Variants in ETV7 observed in about 807,000 individuals in gnomAD.
The protein encoded by ETV7 is transcription factor ETV7.
ETV7 carries 43 observed loss-of-function variants against 39.1 expected under a neutral mutation model. The observed-to-expected ratio is 1.10, with a 90% confidence interval of 0.86 to 1.42. ETV7 has a LOEUF of 1.42. Ranked by LOEUF, ETV7 falls within the 40% of genes most tolerant of loss-of-function variation. ETV7 has a pLI of 0.00. For synonymous variants in ETV7, 196 were observed against 176.6 expected, an observed-to-expected ratio of 1.11 and a Z score of -0.87; for missense variants, 432 against 442.3, an observed-to-expected ratio of 0.98 and a Z score of 0.21.
intron 2 of ETV7, among the ~76,000 whole-genome samples, chr6:36,384,318 A>G (rs999201100): frequency 6.6e-6 from 1 of 152,164 alleles, no homozygotes; most frequent in African/African-American, 2.4e-5. Flanking sequence ...CTGCCTCAAG[A>G]GGGGAGGAAA....
At chr6:36,385,283 C>T (rs1773840328) in intron 2 of ETV7, among the ~76,000 whole-genome samples, 1 of 152,110 alleles carries the variant, frequency 6.6e-6, no homozygotes, top group African/African-American at 2.4e-5. Context: ...CAAGACCAAC[C>T]TGGGCAACAT....
intron 2 of ETV7, among the ~76,000 whole-genome samples, chr6:36,378,090 TATC>T (rs1773464665): frequency 6.6e-6 from 1 of 152,200 alleles, no homozygotes; most frequent in African/African-American, 2.4e-5. Context: ...GATTGGCAAG[TATC>T]ATTGGAAAAG....
Position 36,356,023 on chromosome 6 carries a change from T to C in ETV7, c.909-1336A>G, listed in dbSNP as rs551164378. On this transcript the variant is annotated intron_variant, in intron 7 of 7. Transcript: ENST00000339796. ...CTAAAAATTGTACCTCCTTAAGAAA[T>C]AGACCTTTCATAATTGTGCAAGACA... is the stretch of plus-strand genomic sequence containing the variant. 2.1e-4 allele frequency among the ~76,000 whole-genome samples: 32 copies of C among 152,238 alleles called. 1 individual carries two copies. The East Asian group carries it at 5.0e-3, about 24-fold the overall frequency.
rs896064008 is a variant in ETV7 at position 36,384,269 on chromosome 6, C to T, written c.142+1265G>A. Among the ~76,000 whole-genome samples the T allele has an allele frequency of 3.3e-5, 5 of 152,234 alleles. No individual in the cohort carries two copies. The South Asian group carries it at 6.2e-4, about 19-fold the overall frequency. On this transcript the variant is annotated intron_variant, in intron 2 of 7. Coordinates refer to ENST00000340181, the MANE Select transcript of ETV7 (RefSeq NM_016135.4). The stretch of plus-strand genomic sequence containing the variant: ...TTCTAATCTAGGAGAAAATAGGCCA[C>T]GGTGACCTGCACCCTGAGTTATGCA...
intron 2 of ETV7, among the ~76,000 whole-genome samples, chr6:36,377,442 C>CA (rs769070833): frequency 1.3e-5 from 2 of 152,258 alleles, no homozygotes; most frequent in South Asian, 2.1e-4. Context: ...GCCTGGGTGA[C>CA]AGAGTGAGAC....
chr6:36,359,052 C>T lies in ETV7; in HGVS notation c.909-4365G>A, dbSNP rs1772409516. ...CTAGGCCAAGATGGTCTTCTCCACC[C>T]AGCCTGTCTACATTATTCATATCCA... On this transcript the variant is annotated intron_variant, in intron 7 of 7. Coordinates refer to the ETV7 transcript ENST00000339796. Among the ~76,000 whole-genome samples the T allele has an allele frequency of 3.3e-5, 5 of 152,330 alleles. No individual in the cohort carries two copies. The South Asian group carries it at 8.3e-4, about 25-fold the overall frequency.
At position 36,366,979 on chromosome 6, in the gene ETV7, G is replaced by C; in HGVS notation, c.808-4C>G. 1 of 1,613,734 alleles carries C rather than the reference G, an allele frequency of 6.2e-7. No homozygotes were observed. Among genetic ancestry groups the C allele is most frequent in the Non-Finnish European group, 8.5e-7 (1 of 1,179,714 alleles). ...CGTAGGTCATGTTCACCCGGTTCTG[G>C]AAAGCAAAGCAGCCCCACATCAGCC... On this transcript the variant is annotated splice_region_variant and splice_polypyrimidine_tract_variant and intron_variant, in intron 6 of 7. Coordinates refer to ENST00000340181, the MANE Select transcript of ETV7 (RefSeq NM_016135.4).
chr6:36,363,041 C>T (rs978708080), downstream of ETV7, among the ~76,000 whole-genome samples: 1 of 152,202 alleles, frequency 6.6e-6, no homozygotes, highest in African/African-American at 2.4e-5. Context: ...GCTCTGGCGG[C>T]AGTTCCCTTC....
chr6:36,362,259 G>A (rs12190117), downstream of ETV7, among the ~76,000 whole-genome samples: 14,023 of 151,716 alleles, frequency 0.092, 941 homozygotes, highest in Non-Finnish European at 0.13. Context: ...CCGAGATCGC[G>A]CCACTGCAGT....
At chr6:36,355,805 C>T (rs1017212998) in intron 7 of ETV7, among the ~76,000 whole-genome samples, 7 of 152,188 alleles carry the variant, frequency 4.6e-5, no homozygotes, top group African/African-American at 1.7e-4. Context: ...GTACACATGG[C>T]ATTGTCGATT....
intron 6 of ETV7, among the ~76,000 whole-genome samples, chr6:36,368,603 T>C (rs947669516): frequency 3.3e-5 from 5 of 152,190 alleles, no homozygotes; most frequent in African/African-American, 1.2e-4. Context: ...TGGGTTTCTG[T>C]CCAGCTCCCC....
At chr6:36,382,590 C>A (rs1221566348) in intron 2 of ETV7, among the ~76,000 whole-genome samples, 6 of 152,128 alleles carry the variant, frequency 3.9e-5, no homozygotes, top group African/African-American at 1.4e-4. Flanking sequence ...AAATGAAGTG[C>A]CCAGGAACTC....
intron 2 of ETV7, 123 bp from the exon 3 acceptor site, chr6:36,376,158 C>G: frequency 1.3e-6 from 1 of 789,750 alleles, no homozygotes; most frequent in South Asian, 1.9e-5. Context: ...CATCTTCTGT[C>G]GCTGCCACCT....
chr6:36,383,102 G>C (rs547816067), intron 2 of ETV7, among the ~76,000 whole-genome samples: 1 of 152,266 alleles, frequency 6.6e-6, no homozygotes, highest in East Asian at 1.9e-4. Context: ...TATCAGCCCA[G>C]TTCTGAAAAT....
chr6:36,358,066 T>C (rs565727254), intron 7 of ETV7, among the ~76,000 whole-genome samples: 1 of 152,280 alleles, frequency 6.6e-6, no homozygotes, highest in East Asian at 1.9e-4. Context: ...CCAAGCTTTA[T>C]GTGGCCAAGA....
chr6:36,359,802 G>A (rs1291082388), intron 7 of ETV7, among the ~76,000 whole-genome samples: 1 of 152,206 alleles, frequency 6.6e-6, no homozygotes, highest in East Asian at 1.9e-4. Context: ...GTGCTAAGCA[G>A]GGCAAAGGAT....
At chr6:36,359,382 C>T (rs908572621) in intron 7 of ETV7, among the ~76,000 whole-genome samples, 7 of 151,186 alleles carry the variant, frequency 4.6e-5, no homozygotes, top group Middle Eastern at 3.4e-3. Context: ...ACCTAGGAGG[C>T]GGAGGTTGCG....
intron 7 of ETV7, among the ~76,000 whole-genome samples, chr6:36,356,671 T>C (rs773579029): frequency 1.3e-5 from 2 of 152,312 alleles, no homozygotes; most frequent in Non-Finnish European, 2.9e-5. Context: ...TGGGCTTCTC[T>C]TAATGGCCCA....
chr6:36,371,485 T>C lies in ETV7; in HGVS notation c.509A>G (p.Asn170Ser), dbSNP rs1295327914. The C allele has an allele frequency of 6.2e-7, 1 of 1,605,368 alleles. No individual in the cohort carries two copies. Among genetic ancestry groups the C allele is most frequent in the Admixed American group, 1.7e-5 (1 of 58,888 alleles). ...LQPPDPGLTSNFGHLDDPGLA... is the reference protein window; with the variant it reads ...LQPPDPGLTSSFGHLDDPGLA... Reference sequence around the variant, plus strand: ...GCCAGGGTCATCCAGGTGGCCGAAGTTGCTGGTAAGCCCTGGGTCTGGTGG... The same window carrying C: ...GCCAGGGTCATCCAGGTGGCCGAAGCTGCTGGTAAGCCCTGGGTCTGGTGG... Residue 170 changes from asparagine to serine, a missense_variant, in exon 5 of 8, where the codon AAC becomes AGC. Physicochemically the swap from Asn to Ser is conservative, Grantham distance 46 (BLOSUM62 1). Transcript: ENST00000340181.
Sources: allele counts gnomAD v4.1 joint callset (sites outside exome capture counted in the v4.1 genomes callset), GRCh38; gene constraint gnomAD v4.1.1; transcripts MANE v1.5; gene names NCBI Gene and HGNC (gene_info 2026-07-23, HGNC 2026-07-21).